Variants in LRRC7 observed in about 807,000 individuals in gnomAD.
LRRC7 encodes leucine-rich repeat-containing protein 7.
LRRC7 carries 23 observed loss-of-function variants against 175.7 expected under a neutral mutation model. That is an observed-to-expected ratio of 0.13 (90% confidence interval 0.09 to 0.19). The LOEUF (loss-of-function observed/expected upper bound fraction) is 0.19, where lower values mean the gene tolerates loss of function less well. LRRC7 is among the 10% of genes least tolerant of loss of function. LRRC7 has a pLI of 1.00. For missense variants in LRRC7, 1,354 were observed against 1,904.7 expected, an observed-to-expected ratio of 0.71 and a Z score of 5.38; for synonymous variants, 685 against 680.9, an observed-to-expected ratio of 1.01 and a Z score of -0.09.
chr1:69,781,434 C>T (rs921349780), intron 3 of LRRC7, among the ~76,000 whole-genome samples: 3 of 151,790 alleles, frequency 2.0e-5, no homozygotes, highest in African/African-American at 7.3e-5. Context: ...GTAATCCCAG[C>T]ACTTTGGGAG....
chr1:69,794,685 A>G (rs1675513128), intron 4 of LRRC7, among the ~76,000 whole-genome samples: 1 of 152,180 alleles, frequency 6.6e-6, no homozygotes, highest in Admixed American at 6.5e-5. Context: ...AATCTACCTT[A>G]TTTTTAAAGA....
chr1:69,583,958 G>A (rs1426540614), intron 1 of LRRC7, among the ~76,000 whole-genome samples: 3 of 152,110 alleles, frequency 2.0e-5, no homozygotes, highest in African/African-American at 7.2e-5. Flanking sequence ...AATATCTTCT[G>A]TGCCCAGCTA....
chr1:70,120,776 T>G (rs948184856), intron 26 of LRRC7, among the ~76,000 whole-genome samples: 2 of 152,100 alleles, frequency 1.3e-5, no homozygotes, highest in Non-Finnish European at 1.5e-5. Context: ...CTGCCTCTTT[T>G]CTTAATCAAC....
chr1:70,106,167 T>A (rs1665130887), intron 25 of LRRC7, among the ~76,000 whole-genome samples: 1 of 152,208 alleles, frequency 6.6e-6, no homozygotes, highest in Non-Finnish European at 1.5e-5. Context: ...TATTGAAATA[T>A]AGTTGATATT....
intron 2 of LRRC7, among the ~76,000 whole-genome samples, chr1:69,695,293 A>C (rs1466759018): frequency 1.3e-5 from 2 of 152,226 alleles, no homozygotes; most frequent in African/African-American, 4.8e-5. Flanking sequence ...GATGACTTAG[A>C]GTATCTGGCA....
chr1:69,701,063 T>G (rs1663284711), intron 2 of LRRC7, among the ~76,000 whole-genome samples: 1 of 152,148 alleles, frequency 6.6e-6, no homozygotes, highest in South Asian at 2.1e-4. Flanking sequence ...GTGATTGCAT[T>G]AGGTTCAAGA....
chr1:69,942,260 C>A (rs1648800894), intron 8 of LRRC7, among the ~76,000 whole-genome samples: 1 of 152,090 alleles, frequency 6.6e-6, no homozygotes, highest in African/African-American at 2.4e-5. Context: ...TATCCCCATA[C>A]AACTTCCTTT....
chr1:69,593,962 G>T (rs1646740272), intron 1 of LRRC7, among the ~76,000 whole-genome samples: 1 of 152,118 alleles, frequency 6.6e-6, no homozygotes, highest in Non-Finnish European at 1.5e-5. Context: ...CCACTCATAA[G>T]CTGAGAGACC....
intron 8 of LRRC7, among the ~76,000 whole-genome samples, chr1:69,947,471 T>C (rs1649458811): frequency 6.6e-6 from 1 of 152,110 alleles, no homozygotes; most frequent in Non-Finnish European, 1.5e-5. Flanking sequence ...TAAAATATAT[T>C]ATAGTTATAA....
At position 69,717,876 on chromosome 1, in the gene LRRC7, A is replaced by G. The variant is rs114779136; in HGVS notation, c.100+39398A>G. Among the ~76,000 whole-genome samples, 75 of 117,650 alleles carry G rather than the reference A, an allele frequency of 6.4e-4. 7 individuals are homozygous for G. Among genetic ancestry groups the G allele is most frequent in the South Asian group, 9.4e-4 (3 of 3,206 alleles). 77.2% of individuals were successfully genotyped at this position (117,650 alleles called of 152,430 possible). A position where few individuals can be genotyped will look rare whatever the true frequency, so the allele number is the denominator to read the frequency against. On this transcript the variant is annotated intron_variant, in intron 2 of 26. Transcript: ENST00000651989. ...AAGGAAAGAAAGAAAGAAAGAAAGA[A>G]AGAGAGAAAAAGAGGAGGGAGGGAA...
chr1:69,742,400 C>A (rs1486144139), intron 2 of LRRC7, among the ~76,000 whole-genome samples: 1 of 151,662 alleles, frequency 6.6e-6, no homozygotes. Flanking sequence ...GATTTGCAAA[C>A]CAATAATTTT....
At chr1:69,940,992 A>G (rs1420835368) in intron 8 of LRRC7, among the ~76,000 whole-genome samples, 1 of 152,088 alleles carries the variant, frequency 6.6e-6, no homozygotes, top group Non-Finnish European at 1.5e-5. Context: ...CTGGCTGGGT[A>G]AGCTTCAGTC....
intron 7 of LRRC7, among the ~76,000 whole-genome samples, chr1:69,864,225 T>C (rs1684667996): frequency 6.6e-6 from 1 of 152,230 alleles, no homozygotes; most frequent in African/African-American, 2.4e-5. Context: ...TTGTTTCCCT[T>C]GCAGGTCTAT....
At chr1:69,721,562 A>G (rs1421908118) in intron 2 of LRRC7, among the ~76,000 whole-genome samples, 1 of 151,928 alleles carries the variant, frequency 6.6e-6, no homozygotes, top group Non-Finnish European at 1.5e-5. Flanking sequence ...TTAGCACTGA[A>G]TAATATGCCA....
intron 7 of LRRC7, among the ~76,000 whole-genome samples, chr1:69,886,793 G>C (rs975264785): frequency 1.3e-5 from 2 of 151,170 alleles, no homozygotes; most frequent in Non-Finnish European, 2.9e-5. Flanking sequence ...TCCTTCAGGA[G>C]CTCTTTTAGG....
chr1:69,948,337 T>G (rs1285410294), intron 8 of LRRC7, among the ~76,000 whole-genome samples: 1 of 152,174 alleles, frequency 6.6e-6, no homozygotes, highest in Non-Finnish European at 1.5e-5. Context: ...TGTCACTGTT[T>G]ACTGTCCTTT....
rs151258429 is a variant in LRRC7 at position 69,802,761 on chromosome 1, T to C, written c.421+10601T>C. Among the ~76,000 whole-genome samples, 142 of 151,456 alleles carry C rather than the reference T, an allele frequency of 9.4e-4. 4 individuals are homozygous for C. In the East Asian group the frequency reaches 0.023, roughly 25 times the overall value. On this transcript the variant is annotated intron_variant, in intron 4 of 26. Coordinates refer to ENST00000651989, the MANE Select transcript of LRRC7 (RefSeq NM_001370785.2). ...TGAGGTTGTTTTTCCTGTTGTAATG[T>C]TTTTATCTGGTTTTGTGGTTCTTTG...
chr1:69,988,402 T>C (rs1654131155), intron 10 of LRRC7, among the ~76,000 whole-genome samples: 1 of 151,868 alleles, frequency 6.6e-6, no homozygotes, highest in South Asian at 2.1e-4. Flanking sequence ...AGACTCCATC[T>C]CTGAAAAAAA....
chr1:69,881,847 T>A, intron 7 of LRRC7, among the ~76,000 whole-genome samples: 1 of 145,874 alleles, frequency 6.9e-6, no homozygotes. Context: ...ACCACTGCAC[T>A]CCAGCCTGGG....
Sources: gnomAD v4.1 joint callset for allele counts (sites outside exome capture counted in the v4.1 genomes callset) on GRCh38, gnomAD v4.1.1 for gene constraint, MANE v1.5 for transcripts, NCBI Gene and HGNC (gene_info 2026-07-23, HGNC 2026-07-21) for gene names.